Variants in TNR observed in about 807,000 individuals in gnomAD.
The protein encoded by TNR is tenascin R, also known as tenascin-R.
A neutral mutation model predicts 150.4 loss-of-function variants in TNR; 45 were observed. The ratio of observed to expected loss-of-function variants is 0.30; its 90% CI spans 0.24 to 0.38. The LOEUF (loss-of-function observed/expected upper bound fraction) is 0.38, where lower values mean the gene tolerates loss of function less well. Among genes scored for constraint, TNR ranks in the 10% least tolerant of loss-of-function variants. The probability of loss-of-function intolerance (pLI) is 1.00; values close to 1 mark genes in which losing one functional copy is unlikely to be tolerated. For synonymous variants in TNR, 687 were observed against 678.4 expected (o/e 1.01, Z -0.20); for missense variants, 1,544 against 1,759.1 (o/e 0.88, Z 2.19).
chr1:175,676,880 A>C (rs1313739436), intron 1 of TNR, among the ~76,000 whole-genome samples: 1 of 152,160 alleles, frequency 6.6e-6, no homozygotes, highest in African/African-American at 2.4e-5. Flanking sequence ...ATCTCAAACA[A>C]GAGCTAGCTC....
chr1:175,610,935 C>G (rs1438584218), intron 1 of TNR, among the ~76,000 whole-genome samples: 1 of 152,148 alleles, frequency 6.6e-6, no homozygotes, highest in Non-Finnish European at 1.5e-5. Flanking sequence ...GAGTTTTTTA[C>G]TAACGTAAAT....
Position 175,401,300 on chromosome 1 carries a change from G to A in TNR, c.976+1840C>T, listed in dbSNP as rs114668065. Among the ~76,000 whole-genome samples, 662 of 152,250 alleles carry A rather than the reference G, an allele frequency of 4.3e-3. 4 individuals carry two copies. The highest frequency in any genetic ancestry group is 0.015 in the African/African-American group (640 of 41,550). On this transcript the variant is annotated intron_variant, in intron 4 of 22. Coordinates refer to ENST00000367674, the MANE Select transcript of TNR (RefSeq NM_003285.3). ...AGTAAGTCTACTAAGAAGCATGTGC[G>A]CTACAGAATAGCATTAACACAGCGA...
chr1:175,711,852 T>C lies in TNR; in HGVS notation c.-165+31374A>G, dbSNP rs950227739. Among the ~76,000 whole-genome samples the C allele has an allele frequency of 3.9e-5, 6 of 152,182 alleles. No individual in the cohort carries two copies. The South Asian group carries it at 8.3e-4, about 21-fold the overall frequency. On this transcript the variant is annotated intron_variant, in intron 1 of 22. Transcript: ENST00000367674. ...AGTTGGGAAATTGTCATTTGAGTTG[T>C]GGGCAGGGCATGTTTGGGGGATAGA... is the stretch of plus-strand genomic sequence containing the variant.
At chr1:175,474,192 G>C (rs1657422345) in intron 2 of TNR, among the ~76,000 whole-genome samples, 1 of 152,156 alleles carries the variant, frequency 6.6e-6, no homozygotes, top group Admixed American at 6.5e-5. Context: ...GGGCTAAATT[G>C]TGTCCTACCA....
At chr1:175,361,378 G>T (rs1231081924) in intron 14 of TNR, among the ~76,000 whole-genome samples, 1 of 152,130 alleles carries the variant, frequency 6.6e-6, no homozygotes, top group Admixed American at 6.5e-5. Flanking sequence ...GGCTTCTTTT[G>T]GTGTATTGGA....
At chr1:175,480,830 C>G (rs1394261367) in intron 2 of TNR, among the ~76,000 whole-genome samples, 1 of 152,124 alleles carries the variant, frequency 6.6e-6, no homozygotes. Context: ...TCCCCCCTGC[C>G]TTTTTTAGCT....
rs1649786156 is a variant in TNR, at chr1:175,331,051, T to TTCTTTCTTTCTTTCTTTCTG, written c.3632-817_3632-816insCAGAAAGAAAGAAAGAAAGA. On this transcript the variant is annotated intron_variant, in intron 20 of 22. Transcript: ENST00000367674. ...TTTCTTTCTTTCTTTCTTTCTTTCT[T>TTCTTTCTTTCTTTCTTTCTG]TCTTTCTTTCTTTCTTTCTTTCTTT... is the stretch of plus-strand genomic sequence containing the variant. Among the ~76,000 whole-genome samples the TTCTTTCTTTCTTTCTTTCTG allele has an allele frequency of 1.8e-3, 192 of 106,764 alleles. 14 individuals are homozygous for TTCTTTCTTTCTTTCTTTCTG. Among genetic ancestry groups the TTCTTTCTTTCTTTCTTTCTG allele is most frequent in the African/African-American group, 6.6e-3 (185 of 27,846 alleles). 70.0% of individuals were successfully genotyped at this position (106,764 alleles called of 152,430 possible).
chr1:175,374,565 G>A (rs1652283941), intron 9 of TNR, among the ~76,000 whole-genome samples: 1 of 152,204 alleles, frequency 6.6e-6, no homozygotes, highest in Admixed American at 6.5e-5. Context: ...CATGTGGTGA[G>A]TGTGAGTGCA....
At chr1:175,326,351 G>C (rs1649396435) in intron 21 of TNR, among the ~76,000 whole-genome samples, 1 of 152,288 alleles carries the variant, frequency 6.6e-6, no homozygotes, top group African/African-American at 2.4e-5. Context: ...AGCGAGGAAA[G>C]ACCTATTCTG....
At chr1:175,471,273 G>A (rs568250723) in intron 2 of TNR, among the ~76,000 whole-genome samples, 1 of 152,298 alleles carries the variant, frequency 6.6e-6, no homozygotes, top group South Asian at 2.1e-4. Flanking sequence ...CCTTGACAGA[G>A]CCAGTGATCA....
chr1:175,390,920 G>T (rs1653138945), intron 7 of TNR, among the ~76,000 whole-genome samples: 1 of 152,236 alleles, frequency 6.6e-6, no homozygotes, highest in South Asian at 2.1e-4. Flanking sequence ...AGGTTCAGAT[G>T]ACTTTCTCCA....
chr1:175,432,200 G>C (rs925410373), intron 2 of TNR, among the ~76,000 whole-genome samples: 1 of 152,080 alleles, frequency 6.6e-6, no homozygotes, highest in Non-Finnish European at 1.5e-5. Context: ...TGGCAACATC[G>C]ACCCTTGAGA....
chr1:175,667,467 C>T (rs1241340199), intron 1 of TNR, among the ~76,000 whole-genome samples: 1 of 152,224 alleles, frequency 6.6e-6, no homozygotes, highest in Non-Finnish European at 1.5e-5. Flanking sequence ...TTAAACATTT[C>T]TTAAGCACCT....
At chr1:175,438,160 C>T (rs183228892) in intron 2 of TNR, among the ~76,000 whole-genome samples, 109 of 152,312 alleles carry the variant, frequency 7.2e-4, no homozygotes, top group Non-Finnish European at 1.1e-3. Flanking sequence ...TCCAGCATCA[C>T]ATCAGAAAGC....
At chr1:175,545,483 C>A (rs1298579282) in intron 1 of TNR, among the ~76,000 whole-genome samples, 1 of 152,106 alleles carries the variant, frequency 6.6e-6, no homozygotes, top group Non-Finnish European at 1.5e-5. Context: ...GATTTGAAAC[C>A]ACAGACTGAG....
intron 1 of TNR, among the ~76,000 whole-genome samples, chr1:175,605,604 G>A (rs1428446285): frequency 1.3e-5 from 2 of 152,218 alleles, no homozygotes; most frequent in Non-Finnish European, 2.9e-5. Context: ...GGAAGCACAG[G>A]TAGGGCCACA....
At chr1:175,555,999 CT>C (rs1376654546) in intron 1 of TNR, among the ~76,000 whole-genome samples, 11 of 152,252 alleles carry the variant, frequency 7.2e-5, no homozygotes, top group African/African-American at 2.7e-4. Flanking sequence ...TGCTCCACCC[CT>C]GGATACTTAT....
intron 7 of TNR, among the ~76,000 whole-genome samples, chr1:175,386,624 A>C (rs1652948385): frequency 7.3e-6 from 1 of 137,792 alleles, no homozygotes; most frequent in African/African-American, 2.7e-5. Flanking sequence ...TCTGGAGGTC[A>C]TGGGACAGGG....
chr1:175,636,624 C>A (rs539072903), intron 1 of TNR, among the ~76,000 whole-genome samples: 11 of 152,356 alleles, frequency 7.2e-5, no homozygotes, highest in African/African-American at 2.6e-4. Flanking sequence ...GAATGACCAA[C>A]TGTCCCCTCA....
Sources: gnomAD v4.1 joint callset for allele counts (sites outside exome capture counted in the v4.1 genomes callset) on GRCh38, gnomAD v4.1.1 for gene constraint, MANE v1.5 for transcripts, NCBI Gene and HGNC (gene_info 2026-07-23, HGNC 2026-07-21) for gene names.